KATNIP: variants seen among roughly 807,000 people sequenced by gnomAD.
The protein encoded by KATNIP is katanin interacting protein, also known as katanin-interacting protein.
In KATNIP, 126 loss-of-function variants were observed where a neutral mutation model predicts 174.0. That is an observed-to-expected ratio of 0.72 (90% CI 0.63 to 0.84). The LOEUF (loss-of-function observed/expected upper bound fraction) is 0.84, where lower values mean the gene tolerates loss of function less well. Ranked by LOEUF, KATNIP falls within the 40% of genes least tolerant of loss-of-function variation. KATNIP has a pLI of 0.00. For missense variants in KATNIP, 1,958 were observed against 2,109.7 expected (o/e 0.93, Z 1.41); for synonymous variants, 810 against 835.7 (o/e 0.97, Z 0.53).
intron 18 of KATNIP, among the ~76,000 whole-genome samples, chr16:27,760,917 A>G (rs1454203445): frequency 6.6e-6 from 1 of 152,162 alleles, no homozygotes; most frequent in African/African-American, 2.4e-5. Flanking sequence ...GGTGCTCACA[A>G]GTCAACCAGG....
intron 3 of KATNIP, among the ~76,000 whole-genome samples, chr16:27,619,450 G>A (rs992534408): frequency 6.6e-6 from 1 of 152,214 alleles, no homozygotes. Flanking sequence ...GAATGGGTAC[G>A]AATGTGGGCC....
At chr16:27,649,803 G>A (rs1222360060) in intron 6 of KATNIP, among the ~76,000 whole-genome samples, 1 of 152,250 alleles carries the variant, frequency 6.6e-6, no homozygotes, top group African/African-American at 2.4e-5. Flanking sequence ...GTGTGGGAGA[G>A]AAGGCAGTGT....
At chr16:27,623,870 C>T (rs1363516340) in intron 3 of KATNIP, among the ~76,000 whole-genome samples, 4 of 152,142 alleles carry the variant, frequency 2.6e-5, no homozygotes, top group African/African-American at 9.7e-5. Flanking sequence ...CAGTGACCTG[C>T]CCTTTGTGTT....
At chr16:27,755,689 A>T (rs1037256535) in intron 18 of KATNIP, 7 of 152,292 alleles carry the variant, frequency 4.6e-5, no homozygotes, top group Admixed American at 3.3e-4. Flanking sequence ...GCTGGAATGC[A>T]GTGGCATGAT....
At chr16:27,605,254 A>G (rs945546079) in intron 2 of KATNIP, among the ~76,000 whole-genome samples, 2 of 152,206 alleles carry the variant, frequency 1.3e-5, no homozygotes, top group Non-Finnish European at 2.9e-5. Context: ...TAAGTCTTCT[A>G]TCTTTGTGAG....
At chr16:27,733,735 A>AG (rs1231935161) in intron 14 of KATNIP, among the ~76,000 whole-genome samples, 1 of 152,106 alleles carries the variant, frequency 6.6e-6, no homozygotes, top group East Asian at 1.9e-4. Flanking sequence ...TGACGACTGG[A>AG]GGGGGAGGAA....
intron 2 of KATNIP, among the ~76,000 whole-genome samples, chr16:27,586,857 CAG>C (rs2090919851): frequency 6.7e-6 from 1 of 148,312 alleles, no homozygotes; most frequent in Non-Finnish European, 1.5e-5. Flanking sequence ...AAACAAAAAA[CAG>C]AAACTGAAAT....
chr16:27,593,331 C>T (rs553535676), intron 2 of KATNIP, among the ~76,000 whole-genome samples: 16 of 150,344 alleles, frequency 1.1e-4, no homozygotes, highest in African/African-American at 3.4e-4. Flanking sequence ...CTCCACCTCC[C>T]GGGTTCAAGC....
intron 2 of KATNIP, among the ~76,000 whole-genome samples, chr16:27,582,644 G>A (rs577299671): frequency 1.3e-5 from 2 of 152,128 alleles, no homozygotes; most frequent in East Asian, 1.9e-4. Context: ...ACCAAACAGC[G>A]TGGATTCCTA....
intron 27 of KATNIP, among the ~76,000 whole-genome samples, chr16:27,778,310 C>T (rs2082577046): frequency 6.6e-6 from 1 of 152,188 alleles, no homozygotes; most frequent in Non-Finnish European, 1.5e-5. Flanking sequence ...GTGAGGGCTT[C>T]CCGGAGGAGG....
At chr16:27,643,280 C>T (rs2076857342) in intron 5 of KATNIP, 1 of 152,212 alleles carries the variant, frequency 6.6e-6, no homozygotes, top group Non-Finnish European at 1.5e-5. Flanking sequence ...TCAGTTTCCC[C>T]CTTGGGTTGC....
chr16:27,612,850 C>A (rs893948626), intron 2 of KATNIP, among the ~76,000 whole-genome samples: 1 of 152,060 alleles, frequency 6.6e-6, no homozygotes, highest in African/African-American at 2.4e-5. Context: ...TGCTACATGC[C>A]TGTAGTTTCA....
At chr16:27,584,824 C>G (rs1458637335) in intron 2 of KATNIP, among the ~76,000 whole-genome samples, 1 of 152,052 alleles carries the variant, frequency 6.6e-6, no homozygotes, top group African/African-American at 2.4e-5. Flanking sequence ...CATCTGTTGT[C>G]TTGTTGACTC....
At position 27,740,779 on chromosome 16, in the gene KATNIP, A is replaced by T. The variant is rs1310053973; in HGVS notation, c.2482A>T (p.Arg828Trp). 2.5e-6 allele frequency: 4 copies of T among 1,614,210 alleles called. No homozygotes were observed. The highest frequency in any genetic ancestry group is 1.3e-5 in the African/African-American group (1 of 75,060). Residue 828 changes from arginine to tryptophan, a missense_variant, in exon 15 of 28, where the codon AGG becomes TGG. Coordinates refer to ENST00000261588, the MANE Select transcript of KATNIP (RefSeq NM_015202.5). ...RSVNTKERPQ[R>W]ATTKVHSDDS... ...TGTCAACACCAAGGAGAGACCCCAGAGGGCAACCACCAAAGTCCACAGTGA... is the reference window on the plus strand; with the variant it reads ...TGTCAACACCAAGGAGAGACCCCAGTGGGCAACCACCAAAGTCCACAGTGA...
At chr16:27,696,986 C>A (rs1219183814) in intron 8 of KATNIP, among the ~76,000 whole-genome samples, 1 of 152,156 alleles carries the variant, frequency 6.6e-6, no homozygotes, top group African/African-American at 2.4e-5. Flanking sequence ...ACCTCGACCT[C>A]CCAAAGCGCT....
At chr16:27,574,023 T>A in intron 2 of KATNIP, 67 bp downstream of exon 2, 1 of 1,437,558 alleles carries the variant, frequency 7.0e-7, no homozygotes, top group Non-Finnish European at 9.8e-7. Context: ...GGGAGCAGGG[T>A]GGCGAATAAG....
At position 27,721,600 on chromosome 16, in the gene KATNIP, C is replaced by T; in HGVS notation, c.1648C>T (p.Pro550Ser). The T allele has an allele frequency of 6.2e-7, 1 of 1,614,190 alleles. No homozygotes were observed. Among genetic ancestry groups the T allele is most frequent in the Non-Finnish European group, 8.5e-7 (1 of 1,180,016 alleles). ...SSPWTCPFHP[P>S]LQLFFVIRNT... is the part of the protein sequence containing the mutation. ...CCCGTGGACCTGCCCCTTCCACCCA[C>T]CACTCCAGCTGTTTTTTGTTATTCG... Residue 550 changes from proline to serine, a missense_variant, in exon 14 of 28, where the codon CCA becomes TCA. Transcript: ENST00000261588.
At chr16:27,722,970 A>G (rs1422992134) in intron 14 of KATNIP, among the ~76,000 whole-genome samples, 1 of 152,176 alleles carries the variant, frequency 6.6e-6, no homozygotes, top group Non-Finnish European at 1.5e-5. Flanking sequence ...GTGTGGAGAA[A>G]GGAGCCCGCC....
chr16:27,671,962 A>G (rs2077925227), intron 6 of KATNIP, among the ~76,000 whole-genome samples: 1 of 152,200 alleles, frequency 6.6e-6, no homozygotes, highest in Non-Finnish European at 1.5e-5. Context: ...AAGCTGAGGC[A>G]GGAGAATCGC....
Sources: allele counts gnomAD v4.1 joint callset (sites outside exome capture counted in the v4.1 genomes callset), GRCh38; gene constraint gnomAD v4.1.1; transcripts MANE v1.5; gene names NCBI Gene and HGNC (gene_info 2026-07-23, HGNC 2026-07-21).